PPP1R12A: variants seen among roughly 807,000 people sequenced by gnomAD.
The protein encoded by PPP1R12A is protein phosphatase 1 regulatory subunit 12A, also known as myosin binding subunit.
In PPP1R12A, 19 loss-of-function variants were observed where a neutral mutation model predicts 139.6. The ratio of observed to expected loss-of-function variants is 0.14; its 90% CI spans 0.09 to 0.20. The LOEUF (loss-of-function observed/expected upper bound fraction) is 0.20. Among genes scored for constraint, PPP1R12A ranks in the 10% least tolerant of loss-of-function variants. The pLI, the probability that PPP1R12A is intolerant of heterozygous loss-of-function variation, is 1.00. For missense variants in PPP1R12A, 925 were observed against 1,211.5 expected (o/e 0.76, Z 3.51); for synonymous variants, 427 against 420.6 (o/e 1.02, Z -0.19).
intron 1 of PPP1R12A, among the ~76,000 whole-genome samples, chr12:79,913,189 A>G (rs1317477334): frequency 1.3e-5 from 2 of 152,240 alleles, no homozygotes; most frequent in African/African-American, 4.8e-5. Flanking sequence ...TAAAACACAC[A>G]TGTGCACACG....
chr12:79,778,711 TG>T, intron 23 of PPP1R12A, 111 bp from the exon 24 acceptor site: 1 of 691,176 alleles, frequency 1.4e-6, no homozygotes, highest in South Asian at 4.2e-5. Context: ...TCAGGAGCAG[TG>T]TAGAAAAGAT....
In PPP1R12A at chr12:79,924,210, G is replaced by T. The variant is rs531443995; in HGVS notation, c.237+10485C>A. On this transcript the variant is annotated intron_variant, in intron 1 of 24. Transcript: ENST00000450142. ...GGCATTTTAACTGTAAAAAATGATG[G>T]TTCAAAGAGTTAAACAGCAATAGGC... Among the ~76,000 whole-genome samples the T allele has an allele frequency of 3.3e-5, 5 of 152,224 alleles. No individual in the cohort carries two copies. In the East Asian group the frequency reaches 9.7e-4, roughly 29 times the overall value.
At chr12:79,837,625 G>T (rs1878237531) in intron 3 of PPP1R12A, among the ~76,000 whole-genome samples, 1 of 152,172 alleles carries the variant, frequency 6.6e-6, no homozygotes, top group South Asian at 2.1e-4. Flanking sequence ...AGGACCCAGT[G>T]GGAGGTAACT....
chr12:79,921,813 A>C (rs1887462418), intron 1 of PPP1R12A, among the ~76,000 whole-genome samples: 1 of 152,242 alleles, frequency 6.6e-6, no homozygotes, highest in Non-Finnish European at 1.5e-5. Flanking sequence ...ATAACTTCAA[A>C]ATTTTCAAAC....
intron 2 of PPP1R12A, among the ~76,000 whole-genome samples, chr12:79,856,089 C>A (rs541390762): frequency 6.6e-6 from 1 of 152,322 alleles, no homozygotes; most frequent in Admixed American, 6.5e-5. Flanking sequence ...TCCAATCTCA[C>A]TGCCACTGCC....
chr12:79,899,233 A>AATAT (rs58319454), intron 1 of PPP1R12A, among the ~76,000 whole-genome samples: 85 of 141,818 alleles, frequency 6.0e-4, no homozygotes, highest in East Asian at 2.1e-3. Flanking sequence ...AGATCTTAAA[A>AATAT]ATATATATAT....
At position 79,807,313 on chromosome 12, in the gene PPP1R12A, C is replaced by G; in HGVS notation, c.1568G>C (p.Arg523Pro). 6.5e-7 allele frequency: 1 copy of G among 1,548,644 alleles called. No homozygotes were observed. The highest frequency in any genetic ancestry group is 8.7e-7 in the Non-Finnish European group (1 of 1,144,794). Reference sequence around the variant, plus strand: ...TCTCCTTGTATATGAACTACTTGTTCGCAAACTTGAAGAATCTCTGTTAAA... The same window carrying G: ...TCTCCTTGTATATGAACTACTTGTTGGCAAACTTGAAGAATCTCTGTTAAA... The part of the protein sequence containing the change: ...EKENRDSSSL[R>P]TSSSYTRRKW... The change falls in exon 12 of 25, where the codon CGA becomes CCA. Residue 523 changes from arginine to proline, a missense_variant. Physicochemically the swap from Arg to Pro is moderately radical, Grantham distance 103 (BLOSUM62 -2). Coordinates refer to ENST00000450142, the MANE Select transcript of PPP1R12A (RefSeq NM_002480.3).
chr12:79,878,091 C>T lies in PPP1R12A; in HGVS notation c.238-5153G>A, dbSNP rs114105208. On this transcript the variant is annotated intron_variant, in intron 1 of 24. Coordinates refer to ENST00000450142, the MANE Select transcript of PPP1R12A (RefSeq NM_002480.3). ...TTTTTAAGCCTACAACACTACAAAA[C>T]TACAAATCTTTGCTGGGGTGATTTT... Among the ~76,000 whole-genome samples the T allele has an allele frequency of 2.7e-3, 410 of 151,306 alleles. 2 individuals carry two copies. The highest frequency in any genetic ancestry group is 9.6e-3 in the African/African-American group (396 of 41,260).
chr12:79,807,065 A>T, intron 12 of PPP1R12A, 161 bp downstream of exon 12: 1 of 453,208 alleles, frequency 2.2e-6, no homozygotes, highest in Non-Finnish European at 3.9e-6. Context: ...CCTATCTTTA[A>T]ATATATATCC....
intron 1 of PPP1R12A, among the ~76,000 whole-genome samples, chr12:79,911,534 A>G (rs1886563339): frequency 6.6e-6 from 1 of 152,192 alleles, no homozygotes; most frequent in Admixed American, 6.5e-5. Flanking sequence ...CTGTACACCA[A>G]ACCCCCATGA....
chr12:79,847,671 C>A (rs1879564750), intron 2 of PPP1R12A, among the ~76,000 whole-genome samples: 1 of 151,890 alleles, frequency 6.6e-6, no homozygotes, highest in African/African-American at 2.4e-5. Context: ...GTAAGACAGT[C>A]AGATTAAATA....
intron 1 of PPP1R12A, among the ~76,000 whole-genome samples, chr12:79,924,788 A>G (rs1887706044): frequency 6.6e-6 from 1 of 152,214 alleles, no homozygotes; most frequent in African/African-American, 2.4e-5. Context: ...TTCACAAACT[A>G]TAACATTGAC....
At chr12:79,901,824 G>A (rs535482427) in intron 1 of PPP1R12A, among the ~76,000 whole-genome samples, 11 of 152,218 alleles carry the variant, frequency 7.2e-5, no homozygotes, top group African/African-American at 1.2e-4. Flanking sequence ...AGAACAGGGC[G>A]CTAATAGGAA....
In PPP1R12A at chr12:79,903,079, C is replaced by T. The variant is rs750318046; in HGVS notation, c.238-30141G>A. On this transcript the variant is annotated intron_variant, in intron 1 of 24. Coordinates refer to ENST00000450142, the MANE Select transcript of PPP1R12A (RefSeq NM_002480.3). ...ATGCCAAACAACTACACACTGTCCA[C>T]GAGTGACTGAAATAGCGACACCTTT... 5.3e-5 allele frequency among the ~76,000 whole-genome samples: 8 copies of T among 152,122 alleles called. No homozygotes were observed. The South Asian group carries it at 1.2e-3, about 24-fold the overall frequency.
intron 1 of PPP1R12A, among the ~76,000 whole-genome samples, chr12:79,931,390 A>G (rs1888242757): frequency 6.6e-6 from 1 of 152,174 alleles, no homozygotes; most frequent in African/African-American, 2.4e-5. Flanking sequence ...AATGGAAATG[A>G]GGCTTGGAGC....
intron 3 of PPP1R12A, among the ~76,000 whole-genome samples, chr12:79,839,381 A>T (rs1878446109): frequency 6.6e-6 from 1 of 152,064 alleles, no homozygotes; most frequent in South Asian, 2.1e-4. Context: ...TTAATGTTGG[A>T]ATGAGTTAAG....
intron 19 of PPP1R12A, among the ~76,000 whole-genome samples, chr12:79,791,624 G>A (rs1239364493): frequency 2.6e-5 from 4 of 152,198 alleles, no homozygotes; most frequent in South Asian, 2.1e-4. Context: ...CACCATGCCC[G>A]GCCTAGCATT....
At chr12:79,864,998 T>C (rs1881803700) in intron 2 of PPP1R12A, among the ~76,000 whole-genome samples, 1 of 152,150 alleles carries the variant, frequency 6.6e-6, no homozygotes. Flanking sequence ...TACCAAAGCC[T>C]GGCAGAGACA....
At chr12:79,848,798 A>T (rs933645849) in intron 2 of PPP1R12A, 2 of 152,166 alleles carry the variant, frequency 1.3e-5, no homozygotes, top group Non-Finnish European at 2.9e-5. Context: ...GGACTGATTA[A>T]TCCTATGGTG....
Sources: gnomAD v4.1 joint callset for allele counts (sites outside exome capture counted in the v4.1 genomes callset) on GRCh38, gnomAD v4.1.1 for gene constraint, MANE v1.5 for transcripts, NCBI Gene and HGNC (gene_info 2026-07-23, HGNC 2026-07-21) for gene names.